The following CYFIP2 variants were observed in gnomAD, a reference collection of about 807,000 sequenced individuals.
CYFIP2 encodes the protein cytoplasmic FMR1 interacting protein 2.
Under a neutral mutation model 158.7 loss-of-function variants are expected in CYFIP2, and 29 were observed. The observed-to-expected ratio is 0.18, with a 90% CI of 0.14 to 0.25. The LOEUF (loss-of-function observed/expected upper bound fraction) is 0.25, where lower values mean the gene tolerates loss of function less well. CYFIP2 is among the 10% of genes least tolerant of loss of function. The pLI, the probability that CYFIP2 is intolerant of heterozygous loss-of-function variation, is 1.00. For missense variants in CYFIP2, 852 were observed against 1,639.5 expected, an observed-to-expected ratio of 0.52 and a Z score of 8.29; for synonymous variants, 585 against 617.6, an observed-to-expected ratio of 0.95 and a Z score of 0.78.
At chr5:157,368,386 C>T (rs1764634191) in intron 26 of CYFIP2, among the ~76,000 whole-genome samples, 2 of 152,136 alleles carry the variant, frequency 1.3e-5, no homozygotes, top group South Asian at 4.1e-4. Flanking sequence ...ACCGTCACTC[C>T]ATACACCCAC....
At chr5:157,320,392 G>A (rs1014629802) in intron 14 of CYFIP2, among the ~76,000 whole-genome samples, 5 of 152,194 alleles carry the variant, frequency 3.3e-5, no homozygotes, top group African/African-American at 7.2e-5. Context: ...TGTCTCACTC[G>A]ATGGGCTCAG....
chr5:157,282,394 C>T (rs1393483207), intron 1 of CYFIP2, among the ~76,000 whole-genome samples: 1 of 152,202 alleles, frequency 6.6e-6, no homozygotes, highest in Non-Finnish European at 1.5e-5. Flanking sequence ...CCAAGCCATT[C>T]ATGAGGGACC....
At chr5:157,291,585 G>C (rs1382544024) in intron 3 of CYFIP2, among the ~76,000 whole-genome samples, 2 of 152,218 alleles carry the variant, frequency 1.3e-5, no homozygotes, top group African/African-American at 4.8e-5. Context: ...AAGTAGACAC[G>C]TGTTCCTTAC....
chr5:157,384,330 G>C (rs1183354644), intron 28 of CYFIP2: 3 of 456,548 alleles, frequency 6.6e-6, no homozygotes, highest in Non-Finnish European at 8.8e-6. Flanking sequence ...TCACATTTTG[G>C]GGGCAGGCAG....
chr5:157,392,355 T>A (rs1289531397), intron 30 of CYFIP2, among the ~76,000 whole-genome samples: 4 of 152,224 alleles, frequency 2.6e-5, no homozygotes, highest in Non-Finnish European at 1.5e-5. Context: ...AATTTCAGTT[T>A]AATCTCATGG....
chr5:157,271,033 C>T (rs1756047028), intron 1 of CYFIP2, among the ~76,000 whole-genome samples: 1 of 152,142 alleles, frequency 6.6e-6, no homozygotes, highest in South Asian at 2.1e-4. Flanking sequence ...GGACTCTAGA[C>T]TGTGAGTGCT....
intron 1 of CYFIP2, among the ~76,000 whole-genome samples, chr5:157,281,528 A>G (rs1756987912): frequency 6.6e-6 from 1 of 152,188 alleles, no homozygotes; most frequent in African/African-American, 2.4e-5. Flanking sequence ...ACAAAGTAAT[A>G]AAAACCAAGC....
At chr5:157,336,818 G>A (rs1297556711) in intron 21 of CYFIP2, among the ~76,000 whole-genome samples, 3 of 152,184 alleles carry the variant, frequency 2.0e-5, no homozygotes, top group African/African-American at 7.2e-5. Context: ...TTGGTGCGTT[G>A]AGCCCTGCAT....
intron 20 of CYFIP2, among the ~76,000 whole-genome samples, chr5:157,332,705 A>ACAGT (rs1177399748): frequency 6.6e-6 from 1 of 152,210 alleles, no homozygotes; most frequent in African/African-American, 2.4e-5. Flanking sequence ...GTGCAGTGGC[A>ACAGT]CAGTCATAGC....
At chr5:157,343,865 A>G (rs1335249525) in intron 23 of CYFIP2, among the ~76,000 whole-genome samples, 1 of 152,168 alleles carries the variant, frequency 6.6e-6, no homozygotes, top group Non-Finnish European at 1.5e-5. Context: ...TCATCCCCTT[A>G]AGAAAAAAGA....
Position 157,381,529 on chromosome 5 carries a change from C to CAAAAA in CYFIP2, c.3040-1047_3040-1043dup, listed in dbSNP as rs1281249714. 4.1e-4 allele frequency among the ~76,000 whole-genome samples: 42 copies of CAAAAA among 102,768 alleles called. 3 individuals carry two copies. The highest frequency in any genetic ancestry group is 4.7e-4 in the African/African-American group (13 of 27,620). 67.4% of individuals were successfully genotyped at this position (102,768 alleles called of 152,430 possible). A position where few individuals can be genotyped will look rare whatever the true frequency, so the allele number is the denominator to read the frequency against. ...GGCAACAGAATGGGACTCCGTTTCA[C>CAAAAA]AAAAAAAAAAAAAAAAAAGGGGTGA... is the stretch of plus-strand genomic sequence containing the variant. On this transcript the variant is annotated intron_variant, in intron 26 of 30. Coordinates refer to ENST00000620254, the MANE Select transcript of CYFIP2 (RefSeq NM_001037333.3).
chr5:157,296,858 A>C, intron 5 of CYFIP2, 84 bp downstream of exon 5: 1 of 1,088,974 alleles, frequency 9.2e-7, no homozygotes, highest in South Asian at 1.4e-5. Flanking sequence ...GTTTTGTGCC[A>C]TGTTATTTAT....
intron 19 of CYFIP2, among the ~76,000 whole-genome samples, chr5:157,330,084 G>A (rs868176163): frequency 1.2e-4 from 19 of 152,198 alleles, no homozygotes; most frequent in African/African-American, 4.6e-4. Context: ...TATCATTCAG[G>A]TCTCTGTTTA....
chr5:157,392,092 T>C (rs1451022649), intron 30 of CYFIP2, among the ~76,000 whole-genome samples: 1 of 152,236 alleles, frequency 6.6e-6, no homozygotes, highest in African/African-American at 2.4e-5. Flanking sequence ...AAGTCCTTTG[T>C]CCATTTTTTT....
chr5:157,319,338 T>C (rs182010877), intron 13 of CYFIP2, among the ~76,000 whole-genome samples: 51 of 152,334 alleles, frequency 3.3e-4, no homozygotes, highest in Non-Finnish European at 5.1e-4. Context: ...GAAAATTTTA[T>C]GTTAAAAAAG....
chr5:157,332,896 G>A (rs903274830), intron 20 of CYFIP2, among the ~76,000 whole-genome samples: 1 of 152,122 alleles, frequency 6.6e-6, no homozygotes, highest in African/African-American at 2.4e-5. Flanking sequence ...TCCTCCTGTT[G>A]CAGGACTTTT....
chr5:157,322,836 A>G (rs1317756547), intron 15 of CYFIP2: 1 of 1,228,300 alleles, frequency 8.1e-7, no homozygotes, highest in African/African-American at 1.5e-5. Flanking sequence ...CCCACCGTAT[A>G]CAATACCTCT....
intron 23 of CYFIP2, among the ~76,000 whole-genome samples, chr5:157,351,739 A>G (rs1454768907): frequency 6.6e-6 from 1 of 152,194 alleles, no homozygotes; most frequent in Non-Finnish European, 1.5e-5. Flanking sequence ...GTGATTCTTC[A>G]GTCCATAGTA....
chr5:157,381,556 G>C (rs944482295), intron 26 of CYFIP2, among the ~76,000 whole-genome samples: 1 of 150,946 alleles, frequency 6.6e-6, no homozygotes, highest in African/African-American at 2.4e-5. Context: ...AAGGGGTGAG[G>C]GGGAAGTTTC....
Sources: allele counts gnomAD v4.1 joint callset (sites outside exome capture counted in the v4.1 genomes callset), GRCh38; gene constraint gnomAD v4.1.1; transcripts MANE v1.5; gene names NCBI Gene and HGNC (gene_info 2026-07-23, HGNC 2026-07-21).